FBXL7: variants seen among roughly 807,000 people sequenced by gnomAD.
FBXL7 encodes F-box and leucine rich repeat protein 7.
Under a neutral mutation model 38.3 loss-of-function variants are expected in FBXL7, and 12 were observed. The observed-to-expected ratio is 0.31, with a 90% CI of 0.20 to 0.51. The LOEUF (loss-of-function observed/expected upper bound fraction) is 0.51, where lower values mean the gene tolerates loss of function less well. FBXL7 is among the 20% of genes least tolerant of loss of function. FBXL7 has a pLI of 0.98. For missense variants in FBXL7, 567 were observed against 676.4 expected (o/e 0.84, Z 1.79); for synonymous variants, 297 against 300.9 (o/e 0.99, Z 0.13).
At chr5:15,676,732 C>A (rs1742666801) in intron 2 of FBXL7, among the ~76,000 whole-genome samples, 1 of 152,156 alleles carries the variant, frequency 6.6e-6, no homozygotes, top group Non-Finnish European at 1.5e-5. Flanking sequence ...CACTGCTGTT[C>A]AGAGGGGGCT....
intron 2 of FBXL7, among the ~76,000 whole-genome samples, chr5:15,776,758 T>C (rs924511503): frequency 6.6e-6 from 1 of 152,164 alleles, no homozygotes; most frequent in Non-Finnish European, 1.5e-5. Context: ...TTCAGAAGCA[T>C]ATTCCTAAGT....
intron 2 of FBXL7, among the ~76,000 whole-genome samples, chr5:15,882,927 A>G (rs1740518939): frequency 6.6e-6 from 1 of 150,964 alleles, no homozygotes; most frequent in South Asian, 2.1e-4. Flanking sequence ...CAGGGATTAT[A>G]AATTAAATGT....
At chr5:15,596,949 G>C (rs1012882334) in intron 1 of FBXL7, among the ~76,000 whole-genome samples, 4 of 152,106 alleles carry the variant, frequency 2.6e-5, no homozygotes, top group African/African-American at 9.7e-5. Context: ...CTAAGTAAGT[G>C]TTTGCCTAAG....
chr5:15,806,823 A>G (rs1222133723), intron 2 of FBXL7, among the ~76,000 whole-genome samples: 1 of 152,224 alleles, frequency 6.6e-6, no homozygotes, highest in East Asian at 1.9e-4. Flanking sequence ...TAAGGTGGAC[A>G]GCTGAGCTCC....
chr5:15,776,495 G>T (rs914083621), intron 2 of FBXL7, among the ~76,000 whole-genome samples: 3 of 152,036 alleles, frequency 2.0e-5, no homozygotes, highest in Non-Finnish European at 2.9e-5. Flanking sequence ...GCTTGATAAG[G>T]GCTTTTGCCA....
intron 2 of FBXL7, among the ~76,000 whole-genome samples, chr5:15,786,830 C>T (rs997842326): frequency 3.3e-5 from 5 of 152,208 alleles, no homozygotes; most frequent in African/African-American, 9.6e-5. Context: ...TCCATAGTCT[C>T]ATCACCAGAA....
chr5:15,911,404 G>T (rs1343134533), intron 2 of FBXL7, among the ~76,000 whole-genome samples: 1 of 134,142 alleles, frequency 7.5e-6, no homozygotes, highest in Non-Finnish European at 1.5e-5. Context: ...CTCTGTATTG[G>T]TTATTCTAGT....
intron 2 of FBXL7, among the ~76,000 whole-genome samples, chr5:15,696,167 C>T (rs948896985): frequency 2.0e-5 from 3 of 152,146 alleles, no homozygotes; most frequent in Non-Finnish European, 2.9e-5. Context: ...TACTGGAATA[C>T]GTATGGCATG....
intron 2 of FBXL7, among the ~76,000 whole-genome samples, chr5:15,926,814 G>A (rs1457661215): frequency 6.6e-6 from 1 of 151,974 alleles, no homozygotes; most frequent in Non-Finnish European, 1.5e-5. Context: ...CCTTTCATTG[G>A]CTCCCCTTGT....
At chr5:15,760,625 G>A (rs144269451) in intron 2 of FBXL7, among the ~76,000 whole-genome samples, 1 of 152,184 alleles carries the variant, frequency 6.6e-6, no homozygotes, top group Non-Finnish European at 1.5e-5. Flanking sequence ...ACTAAGGGAT[G>A]AAGCCTTCTG....
At chr5:15,808,769 C>G (rs1456665470) in intron 2 of FBXL7, among the ~76,000 whole-genome samples, 1 of 152,208 alleles carries the variant, frequency 6.6e-6, no homozygotes, top group Non-Finnish European at 1.5e-5. Flanking sequence ...TTGCACAGTT[C>G]CTGACACACA....
intron 2 of FBXL7, among the ~76,000 whole-genome samples, chr5:15,647,278 A>AG (rs1417327741): frequency 6.6e-6 from 1 of 152,248 alleles, no homozygotes; most frequent in Non-Finnish European, 1.5e-5. Flanking sequence ...CACATTTCTA[A>AG]TGTGGTAAGT....
At chr5:15,918,869 C>T (rs1741669460) in intron 2 of FBXL7, among the ~76,000 whole-genome samples, 1 of 152,244 alleles carries the variant, frequency 6.6e-6, no homozygotes, top group South Asian at 2.1e-4. Flanking sequence ...CTAAAGCTAA[C>T]TCCCTCCAGG....
chr5:15,557,107 T>G (rs1738265829), intron 1 of FBXL7, among the ~76,000 whole-genome samples: 1 of 152,144 alleles, frequency 6.6e-6, no homozygotes, highest in Admixed American at 6.5e-5. Flanking sequence ...CTGGCTAATT[T>G]TTTTGTATTT....
intron 1 of FBXL7, among the ~76,000 whole-genome samples, chr5:15,531,043 A>C (rs986093395): frequency 6.6e-6 from 1 of 152,236 alleles, no homozygotes; most frequent in African/African-American, 2.4e-5. Context: ...TATAGAACAT[A>C]CACATTGGAA....
chr5:15,699,088 G>C (rs1743439082), intron 2 of FBXL7, among the ~76,000 whole-genome samples: 1 of 152,092 alleles, frequency 6.6e-6, no homozygotes, highest in Non-Finnish European at 1.5e-5. Flanking sequence ...ACAACAAGAA[G>C]GTAACTGTGG....
intron 2 of FBXL7, among the ~76,000 whole-genome samples, chr5:15,645,701 A>G (rs1026669502): frequency 6.6e-5 from 10 of 152,328 alleles, no homozygotes; most frequent in Non-Finnish European, 1.5e-4. Flanking sequence ...GCATGATATG[A>G]AAGCTATTTC....
chr5:15,810,326 C>T (rs1329361850), intron 2 of FBXL7, among the ~76,000 whole-genome samples: 1 of 151,814 alleles, frequency 6.6e-6, no homozygotes, highest in Non-Finnish European at 1.5e-5. Flanking sequence ...TTTGGGAGGC[C>T]GAGGTGGGCA....
At position 15,936,515 on chromosome 5, in the gene FBXL7, G is replaced by A. The variant is rs1311853117; in HGVS notation, c.805G>A (p.Gly269Ser). 1.2e-6 allele frequency: 2 copies of A among 1,613,532 alleles called. No homozygotes were observed. Among genetic ancestry groups the A allele is most frequent in the Non-Finnish European group, 1.7e-6 (2 of 1,179,900 alleles). Residue 269 changes from glycine to serine, a missense_variant, in exon 4 of 4, where the codon GGC becomes AGC. Coordinates refer to ENST00000504595, the MANE Select transcript of FBXL7 (RefSeq NM_012304.5). This position sits in a 1 kb window ranked among gnomAD's most constrained non-coding sequence, Gnocchi z 6.0. ...CTCCATTAAACTGTCACCCTTGCAT[G>A]GCAAACAGATTTCCATCCGCTACCT... ...EASIKLSPLHGKQISIRYLDM... is the reference protein window; with the variant it reads ...EASIKLSPLHSKQISIRYLDM...
Sources: gnomAD v4.1 joint callset for allele counts (sites outside exome capture counted in the v4.1 genomes callset) on GRCh38, gnomAD v4.1.1 for gene constraint, Gnocchi (gnomAD v3.1) non-coding constraint, MANE v1.5 for transcripts, NCBI Gene and HGNC (gene_info 2026-07-23, HGNC 2026-07-21) for gene names.